Variants in LINGO2 observed in about 807,000 individuals in gnomAD.
LINGO2 encodes the protein leucine rich repeat and Ig domain containing 2.
In LINGO2, 14 loss-of-function variants were observed where a neutral mutation model predicts 30.6. The observed-to-expected ratio is 0.46, with a 90% CI of 0.30 to 0.72. The LOEUF (loss-of-function observed/expected upper bound fraction) is 0.72. LINGO2 is among the 30% of genes least tolerant of loss of function. LINGO2 has a pLI of 0.07. For synonymous variants in LINGO2, 317 were observed against 288.5 expected, an observed-to-expected ratio of 1.10 and a Z score of -1.00; for missense variants, 729 against 751.7, an observed-to-expected ratio of 0.97 and a Z score of 0.35.
chr9:28,810,180 T>C, the LINGO2 span, among the ~76,000 whole-genome samples: 1 of 152,180 alleles, frequency 6.6e-6, no homozygotes, highest in African/African-American at 2.4e-5. Flanking sequence ...TCATCCAGTG[T>C]ATAGAACTAT....
At chr9:28,563,260 G>T (rs2135559956) in intron 1 of LINGO2, among the ~76,000 whole-genome samples, 1 of 152,150 alleles carries the variant, frequency 6.6e-6, no homozygotes, top group Non-Finnish European at 1.5e-5. Context: ...ATTAAATCCA[G>T]ATCTATCACT....
At chr9:28,709,895 C>T in the LINGO2 span, among the ~76,000 whole-genome samples, 3 of 151,854 alleles carry the variant, frequency 2.0e-5, no homozygotes, top group African/African-American at 4.8e-5. Context: ...TTATGAAGGG[C>T]TATTGCACCT....
chr9:28,471,335 G>A (rs2135170553), intron 2 of LINGO2, among the ~76,000 whole-genome samples: 1 of 152,288 alleles, frequency 6.6e-6, no homozygotes, highest in Non-Finnish European at 1.5e-5. Context: ...ATGTAAAAGA[G>A]ACCAAACACG....
intron 4 of LINGO2, among the ~76,000 whole-genome samples, chr9:28,015,998 C>CA (rs35234256): frequency 0.6 from 73,631 of 122,190 alleles, 22,691 homozygotes; most frequent in Non-Finnish European, 0.69. Context: ...GTAAAAGGGA[C>CA]AAAAAAAAAA....
intron 1 of LINGO2, among the ~76,000 whole-genome samples, chr9:28,513,238 C>T (rs1370376246): frequency 6.6e-6 from 1 of 152,172 alleles, no homozygotes; most frequent in African/African-American, 2.4e-5. Flanking sequence ...ATCAATCAAT[C>T]AGTCAACCAA....
At chr9:29,113,432 A>C in the LINGO2 span, among the ~76,000 whole-genome samples, 4 of 152,284 alleles carry the variant, frequency 2.6e-5, no homozygotes, top group South Asian at 2.1e-4. Flanking sequence ...TTGAAGATGA[A>C]GCCAGCAGGA....
At chr9:28,100,749 G>A (rs897389177) in intron 4 of LINGO2, among the ~76,000 whole-genome samples, 3 of 152,080 alleles carry the variant, frequency 2.0e-5, no homozygotes, top group Admixed American at 2.0e-4. Flanking sequence ...ACTTTGAATT[G>A]TCTTGCCTTC....
the LINGO2 span, among the ~76,000 whole-genome samples, chr9:28,966,911 G>A: frequency 1.3e-5 from 2 of 151,962 alleles, no homozygotes; most frequent in Admixed American, 1.3e-4. Context: ...ACTTACTGAT[G>A]CATAAAATTG....
At chr9:29,007,149 A>G in the LINGO2 span, among the ~76,000 whole-genome samples, 5 of 152,110 alleles carry the variant, frequency 3.3e-5, no homozygotes, top group Non-Finnish European at 7.4e-5. Flanking sequence ...ATCAAAGGTA[A>G]TGGTAGAGAA....
At chr9:29,134,677 AT>A in the LINGO2 span, among the ~76,000 whole-genome samples, 1 of 152,240 alleles carries the variant, frequency 6.6e-6, no homozygotes, top group African/African-American at 2.4e-5. Context: ...TTGTATAATA[AT>A]CCATTATTCA....
intron 1 of LINGO2, among the ~76,000 whole-genome samples, chr9:28,515,044 A>G (rs549704252): frequency 6.6e-6 from 1 of 152,242 alleles, no homozygotes; most frequent in Non-Finnish European, 1.5e-5. Context: ...ATTCCTTTCA[A>G]AATATCACTG....
At chr9:28,987,516 A>T in the LINGO2 span, among the ~76,000 whole-genome samples, 4 of 151,676 alleles carry the variant, frequency 2.6e-5, no homozygotes, top group African/African-American at 9.7e-5. Context: ...CTTTTGTATT[A>T]TTTTTCTAGT....
At chr9:28,213,056 A>T (rs1820645122) in intron 4 of LINGO2, among the ~76,000 whole-genome samples, 1 of 151,568 alleles carries the variant, frequency 6.6e-6, no homozygotes, top group African/African-American at 2.4e-5. Context: ...TCTGAATCTG[A>T]AACTGTATGC....
chr9:28,200,927 A>G (rs1820207876), intron 4 of LINGO2, among the ~76,000 whole-genome samples: 1 of 152,086 alleles, frequency 6.6e-6, no homozygotes, highest in Non-Finnish European at 1.5e-5. Flanking sequence ...TAAATCAATA[A>G]ATCAATAAAT....
intron 5 of LINGO2, among the ~76,000 whole-genome samples, chr9:27,960,994 T>C (rs923781049): frequency 3.9e-5 from 6 of 152,214 alleles, no homozygotes; most frequent in African/African-American, 1.4e-4. Flanking sequence ...CGATTTATAA[T>C]TTTTCAACTT....
the LINGO2 span, among the ~76,000 whole-genome samples, chr9:29,212,468 A>C: frequency 1 from 151,600 of 152,064 alleles, 75,569 homozygotes; most frequent in Middle Eastern, 1. Context: ...CCGAGTCCGC[A>C]GGCCGGGTGC....
intron 1 of LINGO2, among the ~76,000 whole-genome samples, chr9:28,553,910 T>C (rs1478636830): frequency 2.6e-5 from 4 of 151,702 alleles, no homozygotes; most frequent in African/African-American, 9.7e-5. Flanking sequence ...GCTTCATAAG[T>C]GAAGGAGAAA....
At chr9:28,738,215 A>C in the LINGO2 span, among the ~76,000 whole-genome samples, 2 of 151,986 alleles carry the variant, frequency 1.3e-5, no homozygotes, top group Non-Finnish European at 2.9e-5. Flanking sequence ...AAGTTATTTC[A>C]TTTTTTTCAG....
chr9:28,681,874 A>G, the LINGO2 span, among the ~76,000 whole-genome samples: 1 of 152,172 alleles, frequency 6.6e-6, no homozygotes, highest in South Asian at 2.1e-4. Flanking sequence ...TCTTAAGTGA[A>G]AGCTTATGAT....
Sources: gnomAD v4.1 joint callset for allele counts (sites outside exome capture counted in the v4.1 genomes callset) on GRCh38, gnomAD v4.1.1 for gene constraint, MANE v1.5 for transcripts, NCBI Gene and HGNC (gene_info 2026-07-23, HGNC 2026-07-21) for gene names.